Variants in SLC6A16 observed in about 807,000 individuals in gnomAD.
SLC6A16 encodes the protein solute carrier family 6 member 16, also known as orphan sodium- and chloride-dependent neurotransmitter transporter NTT5.
A neutral mutation model predicts 65.4 loss-of-function variants in SLC6A16; 54 were observed. That is an observed-to-expected ratio of 0.83 (90% CI 0.66 to 1.04). The LOEUF (loss-of-function observed/expected upper bound fraction) is 1.04. SLC6A16 is among the 50% of genes least tolerant of loss of function. SLC6A16 has a pLI of 0.00. For missense variants in SLC6A16, 816 were observed against 914.0 expected (o/e 0.89, Z 1.38); for synonymous variants, 330 against 346.5 (o/e 0.95, Z 0.53).
chr19:49,338,890 G>A, the SLC6A16 span: 122 of 1,614,052 alleles, frequency 7.6e-5, no homozygotes, highest in Non-Finnish European at 1.0e-4. The surrounding 1 kb of genome is among the most constrained non-coding windows in gnomAD (Gnocchi z 5.0). Flanking sequence ...TCCAGACACA[G>A]TGCAGACATC....
At chr19:49,321,514 T>A (rs1007029460) in intron 1 of SLC6A16, among the ~76,000 whole-genome samples, 3 of 151,936 alleles carry the variant, frequency 2.0e-5, no homozygotes, top group Admixed American at 6.6e-5. Flanking sequence ...GGCGGGTGGA[T>A]CACCTGAGGT....
chr19:49,324,034 AAAT>A (rs1260656364), intron 1 of SLC6A16, among the ~76,000 whole-genome samples: 1 of 151,956 alleles, frequency 6.6e-6, no homozygotes, highest in African/African-American at 2.4e-5. Context: ...TGTCTCTTAA[AAAT>A]AATAATAATA....
chr19:49,321,827 T>C (rs946029109), intron 1 of SLC6A16, among the ~76,000 whole-genome samples: 3 of 151,174 alleles, frequency 2.0e-5, no homozygotes, highest in South Asian at 2.1e-4. Context: ...GAGGCTGAGA[T>C]GGGAGAATCA....
chr19:49,323,461 TATAATAA>T (rs1257093777), intron 1 of SLC6A16, among the ~76,000 whole-genome samples: 1 of 152,148 alleles, frequency 6.6e-6, no homozygotes, highest in East Asian at 1.9e-4. Context: ...AAATCATATG[TATAATAA>T]GAGATTAATA....
Position 49,309,984 on chromosome 19 carries a change from CT to C in SLC6A16, c.700+55del. ...CCCACTCTCTCCTATTCCAAATTCC[CT>C]TCTACTTCTACTTCTCCATTTTTCC... On this transcript the variant is annotated intron_variant, in intron 4 of 11. Coordinates refer to ENST00000335875, the MANE Select transcript of SLC6A16 (RefSeq NM_014037.3). 1.9e-6 allele frequency: 3 copies of C among 1,580,662 alleles called. No individual in the cohort carries two copies. The South Asian group carries it at 3.4e-5, about 18-fold the overall frequency.
chr19:49,301,667 T>C (rs1485301006), intron 7 of SLC6A16, among the ~76,000 whole-genome samples: 1 of 152,096 alleles, frequency 6.6e-6, no homozygotes, highest in Non-Finnish European at 1.5e-5. Flanking sequence ...CCCTGTAGTT[T>C]TTTCCACCTT....
At chr19:49,293,144 T>A in intron 10 of SLC6A16, 79 bp downstream of exon 10, 1 of 1,384,138 alleles carries the variant, frequency 7.2e-7, no homozygotes, top group South Asian at 1.3e-5. Context: ...CTAGGTGGGT[T>A]GACAGTAGAG....
At chr19:49,296,093 G>A (rs1294375758) in intron 7 of SLC6A16, among the ~76,000 whole-genome samples, 1 of 152,078 alleles carries the variant, frequency 6.6e-6, no homozygotes, top group South Asian at 2.1e-4. Context: ...AGGTTCGAGC[G>A]ATTCTCCTGC....
At chr19:49,332,398 T>C in the SLC6A16 span, 1 of 398,582 alleles carries the variant, frequency 2.5e-6, no homozygotes, top group South Asian at 1.8e-5. Flanking sequence ...CTACTAAAAA[T>C]ACTAAAATCA....
At chr19:49,300,962 G>A (rs1970279741) in intron 7 of SLC6A16, among the ~76,000 whole-genome samples, 1 of 152,162 alleles carries the variant, frequency 6.6e-6, no homozygotes, top group Non-Finnish European at 1.5e-5. Flanking sequence ...TGAGACAGGA[G>A]AATTGCTTGA....
chr19:49,340,092 A>C, the SLC6A16 span: 1 of 1,532,042 alleles, frequency 6.5e-7, no homozygotes, highest in Non-Finnish European at 8.7e-7. Context: ...GCCCTGCGGC[A>C]GTTCCCGTCG....
At chr19:49,340,151 A>C in the SLC6A16 span, 3 of 1,511,384 alleles carry the variant, frequency 2.0e-6, no homozygotes, top group Non-Finnish European at 2.7e-6. Flanking sequence ...TTCCCGCCCA[A>C]TTCACGGCCC....
intron 1 of SLC6A16, among the ~76,000 whole-genome samples, chr19:49,321,033 C>T (rs10422677): frequency 0.25 from 37,407 of 151,906 alleles, 4,880 homozygotes; most frequent in South Asian, 0.39. Flanking sequence ...TGCCCTAATA[C>T]CAGAGCCATA....
upstream of SLC6A16, among the ~76,000 whole-genome samples, chr19:49,328,179 G>C (rs1197751449): frequency 1.3e-5 from 2 of 152,116 alleles, no homozygotes; most frequent in East Asian, 3.9e-4. Flanking sequence ...GAAGAAAAGA[G>C]GTTTAATTGA....
chr19:49,322,730 A>C (rs955438406), intron 1 of SLC6A16, among the ~76,000 whole-genome samples: 6 of 151,118 alleles, frequency 4.0e-5, no homozygotes, highest in Non-Finnish European at 7.4e-5. Flanking sequence ...AGACATAAAT[A>C]AATGGAAAAA....
At chr19:49,299,723 T>C (rs1218517116) in intron 7 of SLC6A16, among the ~76,000 whole-genome samples, 2 of 151,360 alleles carry the variant, frequency 1.3e-5, no homozygotes, top group Non-Finnish European at 2.9e-5. Flanking sequence ...TAGCAGACTA[T>C]CACTAAAGAA....
chr19:49,309,767 C>T lies in SLC6A16; in HGVS notation c.760G>A (p.Ala254Thr). 2 of 1,614,060 alleles carry T rather than the reference C, an allele frequency of 1.2e-6. No individual in the cohort carries two copies. Among genetic ancestry groups the T allele is most frequent in the Non-Finnish European group, 1.7e-6 (2 of 1,179,970 alleles). Residue 254 changes from alanine to threonine, a missense_variant, in exon 5 of 12, where the codon GCC (alanine) becomes ACC (threonine). Ala to Thr is a moderately conservative substitution (Grantham distance 58). Coordinates refer to ENST00000335875, the MANE Select transcript of SLC6A16 (RefSeq NM_014037.3). ...CCGCCATCCTCGATTCTGTCTGAGG[C>T]CTTCAAGGCCTGCTGGTACCAGAAG... ...IYFWYQQALK[A>T]SDRIEDGGSP...
the SLC6A16 span, chr19:49,331,550 T>TA: frequency 2.8e-6 from 1 of 353,112 alleles, no homozygotes; most frequent in Non-Finnish European, 5.6e-6. Context: ...TTAGGATGTT[T>TA]AAGGTTAGCT....
chr19:49,321,916 T>A (rs960472829), intron 1 of SLC6A16, among the ~76,000 whole-genome samples: 62 of 150,330 alleles, frequency 4.1e-4, no homozygotes, highest in African/African-American at 1.5e-3. Context: ...AGTGACACCA[T>A]GTCTCAGCAA....
Sources: gnomAD v4.1 joint callset for allele counts (sites outside exome capture counted in the v4.1 genomes callset) on GRCh38, gnomAD v4.1.1 for gene constraint, Gnocchi (gnomAD v3.1) non-coding constraint, MANE v1.5 for transcripts, NCBI Gene and HGNC (gene_info 2026-07-23, HGNC 2026-07-21) for gene names.